ANK3: variants seen among roughly 807,000 people sequenced by gnomAD.
ANK3 encodes the protein ankyrin-3.
In ANK3, 57 loss-of-function variants were observed where a neutral mutation model predicts 370.9. The ratio of observed to expected loss-of-function variants is 0.15; its 90% CI spans 0.12 to 0.19. The LOEUF (loss-of-function observed/expected upper bound fraction) is 0.19. ANK3 is among the 10% of genes least tolerant of loss of function. ANK3 has a pLI of 1.00. For missense variants in ANK3, 4,439 were observed against 5,302.1 expected, an observed-to-expected ratio of 0.84 and a Z score of 5.06; for synonymous variants, 1,929 against 1,946.3, an observed-to-expected ratio of 0.99 and a Z score of 0.23.
At chr10:60,496,020 A>T (rs919868930) in intron 2 of ANK3, among the ~76,000 whole-genome samples, 2 of 151,952 alleles carry the variant, frequency 1.3e-5, no homozygotes, top group African/African-American at 4.8e-5. Flanking sequence ...CAAGAATGGC[A>T]AAATTGTCTG....
At chr10:60,092,633 A>G (rs2088858327) in intron 28 of ANK3, among the ~76,000 whole-genome samples, 1 of 152,252 alleles carries the variant, frequency 6.6e-6, no homozygotes, top group South Asian at 2.1e-4. Context: ...AAAAAAAGGA[A>G]CTGCAATTTT....
intron 1 of ANK3, among the ~76,000 whole-genome samples, chr10:60,281,007 A>G (rs1442228726): frequency 6.6e-6 from 1 of 152,200 alleles, no homozygotes; most frequent in Non-Finnish European, 1.5e-5. Context: ...AGGCAACTGG[A>G]AAGCAGCCAG....
intron 18 of ANK3, among the ~76,000 whole-genome samples, chr10:60,177,590 A>T (rs1434028971): frequency 1.8e-5 from 1 of 56,418 alleles, no homozygotes; most frequent in Non-Finnish European, 4.3e-5. Context: ...ATGGTCTTCA[A>T]ATCTTTTTTT....
intron 2 of ANK3, among the ~76,000 whole-genome samples, chr10:60,568,881 G>C (rs190152735): frequency 2.6e-5 from 4 of 152,298 alleles, no homozygotes; most frequent in Admixed American, 6.5e-5. Flanking sequence ...TCCTTCCACA[G>C]ATACACACTG....
At chr10:60,463,961 G>A (rs2064952199) in intron 2 of ANK3, among the ~76,000 whole-genome samples, 1 of 151,962 alleles carries the variant, frequency 6.6e-6, no homozygotes, top group Admixed American at 6.6e-5. Context: ...TGTCTTCTTT[G>A]CCAAGAAATG....
Position 60,279,630 on chromosome 10 carries a change from T to G in ANK3, c.124A>C (p.Asn42His). The change falls in exon 2 of 44, where the codon AAT (asparagine) becomes CAT (histidine). Residue 42 changes from asparagine (N) to histidine (H), a missense_variant. Asn to His is a moderately conservative substitution (Grantham distance 68, BLOSUM62 1). Around this residue, in one of 13 missense-constraint regions of ANK3, gnomAD observed 54 missense variants for 52.7 expected, o/e 1.02. Transcript: ENST00000280772. ...SRDRKKKSDANASYLRAARAG... is the reference protein window; with the variant it reads ...SRDRKKKSDAHASYLRAARAG... ...CGAGCTGCTCTTAAGTAACTTGCAT[T>G]GGCATCAGACTAAAATAAAAAAGAA... is the stretch of plus-strand genomic sequence containing the variant. The G allele has an allele frequency of 1.9e-6, 3 of 1,610,370 alleles. No individual in the cohort carries two copies. Among genetic ancestry groups the G allele is most frequent in the Non-Finnish European group, 2.5e-6 (3 of 1,178,892 alleles).
intron 1 of ANK3, among the ~76,000 whole-genome samples, chr10:60,286,298 G>A (rs2098244644): frequency 1.3e-5 from 2 of 152,028 alleles, no homozygotes; most frequent in Non-Finnish European, 2.9e-5. Context: ...AATTGACTTA[G>A]TCTTAGTACT....
At chr10:60,519,819 G>A (rs1344953827) in intron 2 of ANK3, among the ~76,000 whole-genome samples, 1 of 152,130 alleles carries the variant, frequency 6.6e-6, no homozygotes, top group African/African-American at 2.4e-5. Context: ...GAATCATAAA[G>A]ATAACACTGG....
intron 2 of ANK3, among the ~76,000 whole-genome samples, chr10:60,511,380 C>A (rs1283032603): frequency 6.6e-6 from 1 of 152,058 alleles, no homozygotes; most frequent in East Asian, 1.9e-4. Context: ...ACTGAAAAGG[C>A]AGCTCCAAAT....
At chr10:60,361,182 G>A (rs941384666) in intron 1 of ANK3, among the ~76,000 whole-genome samples, 1 of 152,094 alleles carries the variant, frequency 6.6e-6, no homozygotes, top group Non-Finnish European at 1.5e-5. Context: ...CTCGACTAAG[G>A]AAGCTGTTCA....
chr10:60,124,829 G>T (rs1435934188), intron 25 of ANK3, among the ~76,000 whole-genome samples: 2 of 152,176 alleles, frequency 1.3e-5, no homozygotes, highest in African/African-American at 4.8e-5. Context: ...AACTGGACAA[G>T]CTAAACACTC....
At chr10:60,661,700 C>T (rs1032776579) in intron 1 of ANK3, among the ~76,000 whole-genome samples, 12 of 152,136 alleles carry the variant, frequency 7.9e-5, no homozygotes, top group African/African-American at 2.9e-4. Context: ...TCTCAAGCAG[C>T]CATTGCTCAG....
rs1424129933 is a variant in ANK3 at position 60,074,064 on chromosome 10, C to T, written c.6817G>A (p.Val2273Ile). The change falls in exon 37 of 44, where the codon GTC (valine) becomes ATC (isoleucine). Residue 2273 changes from valine to isoleucine, a missense_variant. Transcript: ENST00000280772. ...ASERIEETMS[V>I]HDIMKAFQSG... ...TGAAAGGCCTTCATGATGTCATGGACTGACATGGTTTCTTCAATTCTTTCA... is the reference window on the plus strand; with the variant it reads ...TGAAAGGCCTTCATGATGTCATGGATTGACATGGTTTCTTCAATTCTTTCA... The T allele has an allele frequency of 6.2e-7, 1 of 1,614,110 alleles. No homozygotes were observed. Among genetic ancestry groups the T allele is most frequent in the African/African-American group, 1.3e-5 (1 of 75,046 alleles).
At chr10:60,544,816 A>G (rs2076925340) in intron 2 of ANK3, among the ~76,000 whole-genome samples, 1 of 152,124 alleles carries the variant, frequency 6.6e-6, no homozygotes, top group Non-Finnish European at 1.5e-5. Context: ...CAATGTTTGT[A>G]AATTTCCATA....
chr10:60,519,893 G>A (rs928042874), intron 2 of ANK3, among the ~76,000 whole-genome samples: 7 of 152,084 alleles, frequency 4.6e-5, no homozygotes, highest in African/African-American at 1.4e-4. Context: ...AGGAAGATGG[G>A]TTAGAGGGTT....
Position 60,372,621 on chromosome 10 carries a change from C to T in ANK3, c.114+16804G>A, listed in dbSNP as rs147809617. Reference sequence around the variant, plus strand: ...GAGATAGGACATTTCCAGTCACAGGCAATTCATAAGCAGAGACTGACAAAG... The same window carrying T: ...GAGATAGGACATTTCCAGTCACAGGTAATTCATAAGCAGAGACTGACAAAG... On this transcript the variant is annotated intron_variant, in intron 1 of 43. Coordinates refer to ENST00000280772, the MANE Select transcript of ANK3 (RefSeq NM_020987.5). Among the ~76,000 whole-genome samples the T allele has an allele frequency of 1.2e-4, 18 of 152,240 alleles. No homozygotes were observed. In the East Asian group the frequency reaches 3.3e-3, roughly 28 times the overall value.
intron 1 of ANK3, among the ~76,000 whole-genome samples, chr10:60,389,145 C>T (rs954100590): frequency 2.6e-5 from 4 of 152,138 alleles, no homozygotes; most frequent in African/African-American, 9.7e-5. Flanking sequence ...TCCCTCACAG[C>T]ACCTTTCCAT....
intron 2 of ANK3, among the ~76,000 whole-genome samples, chr10:60,441,936 T>A (rs754395807): frequency 6.6e-6 from 1 of 152,094 alleles, no homozygotes; most frequent in Non-Finnish European, 1.5e-5. Flanking sequence ...CACATTTTGC[T>A]TAAAATTTTG....
chr10:60,040,113 T>C (rs1162020803), intron 43 of ANK3, among the ~76,000 whole-genome samples: 1 of 152,204 alleles, frequency 6.6e-6, no homozygotes, highest in Non-Finnish European at 1.5e-5. Context: ...GTACAAATCT[T>C]GAAAGTCATT....
Sources: gnomAD v4.1 joint callset for allele counts (sites outside exome capture counted in the v4.1 genomes callset) on GRCh38, gnomAD v4.1.1 for gene constraint, gnomAD v4.1.1 regional missense constraint, MANE v1.5 for transcripts, NCBI Gene and HGNC (gene_info 2026-07-23, HGNC 2026-07-21) for gene names.